The following PKD1L1 variants were observed in gnomAD, a reference collection of about 807,000 sequenced individuals.
PKD1L1 encodes polycystin 1 like 1, transient receptor potential channel interacting, also known as polycystin-1-like protein 1.
Under a neutral mutation model 323.4 loss-of-function variants are expected in PKD1L1, and 236 were observed. That is an observed-to-expected ratio of 0.73 (90% CI 0.66 to 0.81). The LOEUF is 0.81. Ranked by LOEUF, PKD1L1 falls within the 40% of genes least tolerant of loss-of-function variation. The probability of loss-of-function intolerance (pLI) is 0.00; values close to 1 mark genes in which losing one functional copy is unlikely to be tolerated. For missense variants in PKD1L1, 3,320 were observed against 3,508.0 expected (o/e 0.95, Z 1.35); for synonymous variants, 1,344 against 1,335.0 (o/e 1.01, Z -0.15).
chr7:47,889,065 G>A lies in PKD1L1; in HGVS notation c.2676-915C>T, dbSNP rs114427133. Among the ~76,000 whole-genome samples the A allele has an allele frequency of 7.2e-3, 1,097 of 152,130 alleles. 2 individuals are homozygous for A. The highest frequency in any genetic ancestry group is 0.017 in the Middle Eastern group (5 of 294). On this transcript the variant is annotated intron_variant, in intron 16 of 56. Coordinates refer to ENST00000289672, the MANE Select transcript of PKD1L1 (RefSeq NM_138295.5). ...GCCATGGTGGGAGAGGCCACACAGC[G>A]TCCTCGCCTGGCACTGGGCCCAGGC...
Position 47,846,980 on chromosome 7 carries a change from T to C in PKD1L1, c.5052A>G (p.Val1684=). Residue 1684 remains valine, a synonymous_variant, in exon 32 of 57, where the codon GTA becomes GTG. Transcript: ENST00000289672. ...ACAGGCATCGGATCCACTGGAAATGTACTGTATAGTTCACTGCCTTAGCTA... is the reference window on the plus strand; with the variant it reads ...ACAGGCATCGGATCCACTGGAAATGCACTGTATAGTTCACTGCCTTAGCTA... The part of the protein sequence containing the change: ...RYLAKAVNYT[V]HFQWIRCLFW... The C allele has an allele frequency of 6.2e-7, 1 of 1,614,016 alleles. No homozygotes were observed. Among genetic ancestry groups the C allele is most frequent in the Non-Finnish European group, 8.5e-7 (1 of 1,179,922 alleles).
rs376378992 is a variant in PKD1L1, at chr7:47,909,562, G to A, written c.1229-1312C>T. ...GAACGTGGGCCAGGTTTCCCTCTCA[G>A]ACTCACTACATTCTCTGTCTTTCTT... On this transcript the variant is annotated intron_variant, in intron 8 of 56. Transcript: ENST00000289672. Among the ~76,000 whole-genome samples the A allele has an allele frequency of 1.1e-3, 160 of 152,290 alleles. 2 individuals are homozygous for A. In the South Asian group the frequency reaches 0.027, roughly 26 times the overall value.
chr7:47,835,241 G>A lies in PKD1L1; in HGVS notation c.5946C>T (p.Pro1982=), dbSNP rs149432210. 6,151 of 1,582,724 alleles carry A rather than the reference G, an allele frequency of 3.9e-3. 29 individuals carry two copies. The highest frequency in any genetic ancestry group is 0.01 in the Middle Eastern group (58 of 5,730). Residue 1982 remains proline (P), a splice_region_variant and synonymous_variant, in exon 38 of 57, where the codon CCC becomes CCT. Transcript: ENST00000289672. ...ALVAAGGQEQ[P]HLDVSPTLGS... ...CAAGGGTGGGGCTGACGTCCAAGTG[G>A]GGCTGCAACAAAGCAACAGCAGCCA...
chr7:47,907,934 T>C (rs1787240303), intron 9 of PKD1L1, 143 bp downstream of exon 9: 1 of 777,256 alleles, frequency 1.3e-6, no homozygotes, highest in Admixed American at 3.2e-5. Flanking sequence ...GCAAGACATA[T>C]TTTCTGAATT....
chr7:47,936,973 A>G lies in PKD1L1; in HGVS notation c.286-15T>C, dbSNP rs374291187. On this transcript the variant is annotated splice_polypyrimidine_tract_variant and intron_variant, in intron 3 of 56. Coordinates refer to ENST00000289672, the MANE Select transcript of PKD1L1 (RefSeq NM_138295.5). ...TTCCAAATGTTCTGTAAGAAAAAATAATAAAATAATGTGAGAGAGCTGCTT... is the reference window on the plus strand; with the variant it reads ...TTCCAAATGTTCTGTAAGAAAAAATGATAAAATAATGTGAGAGAGCTGCTT... 6.4e-7 allele frequency: 1 copy of G among 1,573,922 alleles called. No individual in the cohort carries two copies. The highest frequency in any genetic ancestry group is 8.7e-7 in the Non-Finnish European group (1 of 1,151,190).
upstream of PKD1L1, among the ~76,000 whole-genome samples, chr7:47,951,022 C>G (rs1019776296): frequency 6.6e-6 from 1 of 152,170 alleles, no homozygotes; most frequent in African/African-American, 2.4e-5. Context: ...GCTTCCCTCC[C>G]GAGGACGGAG....
chr7:47,931,200 G>A lies in PKD1L1; in HGVS notation c.641C>T (p.Thr214Met), dbSNP rs758722669. Reference sequence around the variant, plus strand: ...GGCCACCTTGGTGGGGGTCTCCATCGTGACAGTCCCAGGAAGCAGCCCCGT... The same window carrying A: ...GGCCACCTTGGTGGGGGTCTCCATCATGACAGTCCCAGGAAGCAGCCCCGT... The part of the protein sequence containing the change: ...VATGLLPGTV[T>M]METPTKVARP... Residue 214 changes from threonine (T) to methionine (M), a missense_variant, in exon 6 of 57, where the codon ACG (threonine) becomes ATG (methionine). Coordinates refer to ENST00000289672, the MANE Select transcript of PKD1L1 (RefSeq NM_138295.5). 1.7e-5 allele frequency: 28 copies of A among 1,614,210 alleles called. No individual in the cohort carries two copies. In the East Asian group the frequency reaches 3.1e-4, roughly 18 times the overall value.
intron 52 of PKD1L1, 49 bp downstream of exon 52, chr7:47,808,198 C>T (rs770421119): frequency 6.3e-7 from 1 of 1,597,652 alleles, no homozygotes; most frequent in Admixed American, 1.7e-5. Flanking sequence ...TTTTGGATGG[C>T]ATCACAGTGC....
chr7:47,854,887 T>C lies in PKD1L1; in HGVS notation c.4854A>G (p.Leu1618=), dbSNP rs1436316005. ...AGCTGTCACCATCAACACACCTTAC[T>C]AGCAACATGACGGGAAATGCCCTTG... ...PVTRAFPVML[L]VRFSEKPTPS... Residue 1618 remains leucine, a synonymous_variant, in exon 30 of 57, where the codon CTA becomes CTG. Transcript: ENST00000289672. 6.2e-7 allele frequency: 1 copy of C among 1,614,058 alleles called. No individual in the cohort carries two copies. Among genetic ancestry groups the C allele is most frequent in the Non-Finnish European group, 8.5e-7 (1 of 1,179,984 alleles).
chr7:47,843,281 C>A lies in PKD1L1; in HGVS notation c.5238-112G>T, dbSNP rs1463566480. On this transcript the variant is annotated intron_variant, in intron 33 of 56. Coordinates refer to ENST00000289672, the MANE Select transcript of PKD1L1 (RefSeq NM_138295.5). ...ACACAAAAGTCCCTGCTGGGCTTCA[C>A]TGATACATTTTTACACTTGCTGGAA... 25 of 803,792 alleles carry A rather than the reference C, an allele frequency of 3.1e-5. No individual in the cohort carries two copies. In the East Asian group the frequency reaches 6.1e-4, roughly 20 times the overall value. The allele number at this position is 803,792 out of a possible 1,614,324, so 49.8% of individuals were successfully genotyped here.
chr7:47,858,891 T>C lies in PKD1L1; in HGVS notation c.4150-6A>G, dbSNP rs369260746. 153 of 1,612,956 alleles carry C rather than the reference T, an allele frequency of 9.5e-5. No homozygotes were observed. Among genetic ancestry groups the C allele is most frequent in the African/African-American group, 1.1e-4 (8 of 74,750 alleles). On this transcript the variant is annotated splice_region_variant and splice_polypyrimidine_tract_variant and intron_variant, in intron 26 of 56. Transcript: ENST00000289672. ...ACCGCACTCATAAAGCCTAGCTGCA[T>C]GAACAGAAAAGATGTAAATAAAATG...
Position 47,931,162 on chromosome 7 carries a change from T to C in PKD1L1, c.679A>G (p.Thr227Ala), listed in dbSNP as rs775094963. 2 of 1,614,176 alleles carry C rather than the reference T, an allele frequency of 1.2e-6. No individual in the cohort carries two copies. Among genetic ancestry groups the C allele is most frequent in the Admixed American group, 3.3e-5 (2 of 60,022 alleles). ...TPTKVARPTQ[T>A]SSQRVPLWPI... ...CACAGGGGCACTCGCTGGGAGCTGG[T>C]CTGAGTGGGTCTGGCCACCTTGGTG... Residue 227 changes from threonine (T) to alanine (A), a missense_variant, in exon 6 of 57, where the codon ACC (threonine) becomes GCC (alanine). Transcript: ENST00000289672.
At chr7:47,811,716 A>G in intron 50 of PKD1L1, 101 bp downstream of exon 50, 1 of 885,276 alleles carries the variant, frequency 1.1e-6, no homozygotes, top group Non-Finnish European at 1.8e-6. Context: ...GGGGCAGGTG[A>G]ATGGGTAGGG....
At chr7:47,917,512 T>C (rs1181043001) in intron 7 of PKD1L1, among the ~76,000 whole-genome samples, 1 of 152,138 alleles carries the variant, frequency 6.6e-6, no homozygotes, top group East Asian at 1.9e-4. Context: ...AAAAGATCAT[T>C]GCCTAGGCAC....
chr7:47,807,878 T>C (rs1784814042), intron 52 of PKD1L1, among the ~76,000 whole-genome samples: 1 of 152,180 alleles, frequency 6.6e-6, no homozygotes, highest in African/African-American at 2.4e-5. Context: ...ACTGCCTGCA[T>C]TTATGACTGT....
At chr7:47,847,794 A>T (rs1345957028) in intron 31 of PKD1L1, among the ~76,000 whole-genome samples, 1 of 152,194 alleles carries the variant, frequency 6.6e-6, no homozygotes, top group Non-Finnish European at 1.5e-5. Context: ...CACATGAATG[A>T]CTTCTTTTAT....
intron 40 of PKD1L1, among the ~76,000 whole-genome samples, chr7:47,833,637 G>A (rs1785395381): frequency 1.3e-5 from 2 of 152,128 alleles, no homozygotes; most frequent in African/African-American, 2.4e-5. Context: ...GGTATGGGGG[G>A]CACACTGTGT....
rs963552943 is a variant in PKD1L1, at chr7:47,942,666, G to A, written c.160+730C>T. Among the ~76,000 whole-genome samples the A allele has an allele frequency of 5.5e-4, 84 of 152,042 alleles. 1 individual carries two copies. The highest frequency in any genetic ancestry group is 1.5e-4 in the Non-Finnish European group (10 of 68,016). ...CAGAGATACTCTCTGTGTTAAGGAC[G>A]AGGAGGAAAACCCCACACCTGTGGC... On this transcript the variant is annotated intron_variant, in intron 2 of 56. Transcript: ENST00000289672.
chr7:47,899,494 C>A (rs1426714053), intron 13 of PKD1L1, among the ~76,000 whole-genome samples: 2 of 152,196 alleles, frequency 1.3e-5, no homozygotes, highest in African/African-American at 4.8e-5. Context: ...CCCCTCCACA[C>A]CCCCTACTTT....
Sources: gnomAD v4.1 joint callset for allele counts (sites outside exome capture counted in the v4.1 genomes callset) on GRCh38, gnomAD v4.1.1 for gene constraint, MANE v1.5 for transcripts, NCBI Gene and HGNC (gene_info 2026-07-23, HGNC 2026-07-21) for gene names.